The following GALNT11 variants were observed in gnomAD, a reference collection of about 807,000 sequenced individuals.
GALNT11 encodes polypeptide N-acetylgalactosaminyltransferase 11.
GALNT11 carries 47 observed loss-of-function variants against 72.7 expected under a neutral mutation model. That is an observed-to-expected ratio of 0.65 (90% CI 0.51 to 0.82). The LOEUF is 0.82. Among genes scored for constraint, GALNT11 ranks in the 40% least tolerant of loss-of-function variants. The pLI is 0.00. For synonymous variants in GALNT11, 270 were observed against 286.6 expected (o/e 0.94, Z 0.58); for missense variants, 677 against 778.4 (o/e 0.87, Z 1.55).
At chr7:152,038,110 A>G (rs1224524874) in intron 1 of GALNT11, among the ~76,000 whole-genome samples, 2 of 152,096 alleles carry the variant, frequency 1.3e-5, no homozygotes, top group Non-Finnish European at 2.9e-5. Flanking sequence ...TATAGTTTTC[A>G]TTGCAGAGAT....
chr7:152,036,284 C>G (rs531156283), intron 1 of GALNT11, among the ~76,000 whole-genome samples: 2 of 152,092 alleles, frequency 1.3e-5, no homozygotes, highest in Admixed American at 6.6e-5. Flanking sequence ...TCTCTCTCTC[C>G]GTGAGTTCAA....
chr7:152,056,335 C>T (rs1395866477), intron 1 of GALNT11, among the ~76,000 whole-genome samples: 1 of 152,198 alleles, frequency 6.6e-6, no homozygotes, highest in Non-Finnish European at 1.5e-5. Flanking sequence ...TTAATAGGAT[C>T]TCGCCAGGTA....
intron 7 of GALNT11, among the ~76,000 whole-genome samples, chr7:152,112,157 T>G (rs910515359): frequency 6.6e-6 from 1 of 152,218 alleles, no homozygotes; most frequent in African/African-American, 2.4e-5. Context: ...CCTAGTCCAG[T>G]TAGCAGAATC....
intron 1 of GALNT11, among the ~76,000 whole-genome samples, chr7:152,036,617 G>T (rs953188065): frequency 6.6e-6 from 1 of 152,186 alleles, no homozygotes; most frequent in Non-Finnish European, 1.5e-5. Context: ...GAGTGGGATT[G>T]CTGAGTCACG....
chr7:152,110,819 C>T (rs1015101125), intron 7 of GALNT11, among the ~76,000 whole-genome samples, 174 bp downstream of exon 7: 1 of 151,380 alleles, frequency 6.6e-6, no homozygotes, highest in Non-Finnish European at 1.5e-5. Flanking sequence ...CAGCCTTGAC[C>T]TCCTGAGCTC....
chr7:152,098,943 A>G (rs778811939), intron 2 of GALNT11, among the ~76,000 whole-genome samples: 7 of 152,152 alleles, frequency 4.6e-5, no homozygotes, highest in Non-Finnish European at 1.0e-4. Flanking sequence ...TTGGGGAAAC[A>G]CTGCATTCTA....
intron 1 of GALNT11, among the ~76,000 whole-genome samples, chr7:152,065,574 A>T (rs1383111076): frequency 6.6e-6 from 1 of 152,094 alleles, no homozygotes; most frequent in Non-Finnish European, 1.5e-5. Context: ...TTGTGGTTTT[A>T]TCTACCTATG....
At chr7:152,039,175 A>G (rs373367028) in intron 1 of GALNT11, among the ~76,000 whole-genome samples, 42 of 152,374 alleles carry the variant, frequency 2.8e-4, no homozygotes, top group African/African-American at 9.9e-4. Context: ...CAAGCTAAAC[A>G]TCCCCTAGGG....
intron 11 of GALNT11, 103 bp from the exon 12 acceptor site, chr7:152,121,443 A>G (rs2089426884): frequency 4.3e-6 from 6 of 1,399,254 alleles, no homozygotes; most frequent in Admixed American, 2.3e-5. Context: ...AGAGGGGACT[A>G]TTGTATCCCT....
chr7:152,031,976 C>T (rs1249476227), intron 1 of GALNT11, among the ~76,000 whole-genome samples: 3 of 152,314 alleles, frequency 2.0e-5, no homozygotes, highest in Non-Finnish European at 2.9e-5. Context: ...AGGCTGTATT[C>T]GTTCCTTGCC....
At chr7:152,049,935 A>C (rs1333493853) in intron 1 of GALNT11, among the ~76,000 whole-genome samples, 5 of 151,976 alleles carry the variant, frequency 3.3e-5, no homozygotes, top group African/African-American at 1.2e-4. Context: ...GCCAGTGTTC[A>C]TTCAAGGCCC....
At chr7:152,066,784 T>C (rs1259089114) in intron 1 of GALNT11, among the ~76,000 whole-genome samples, 2 of 152,192 alleles carry the variant, frequency 1.3e-5, no homozygotes, top group African/African-American at 4.8e-5. Context: ...ACACATTTAT[T>C]GAGTAAGTTC....
At chr7:152,070,918 G>A (rs1234082997) in intron 1 of GALNT11, among the ~76,000 whole-genome samples, 2 of 152,154 alleles carry the variant, frequency 1.3e-5, no homozygotes, top group Non-Finnish European at 2.9e-5. Context: ...GGTAGGTTCC[G>A]TGATGCCCAA....
At chr7:152,117,646 C>A in intron 9 of GALNT11, 1 of 441,614 alleles carries the variant, frequency 2.3e-6, no homozygotes, top group Non-Finnish European at 4.1e-6. Flanking sequence ...GGGAATACAC[C>A]CCGGACAGAG....
intron 1 of GALNT11, among the ~76,000 whole-genome samples, chr7:152,043,662 G>A (rs749218093): frequency 1.3e-4 from 20 of 152,080 alleles, no homozygotes; most frequent in Non-Finnish European, 2.4e-4. Flanking sequence ...CAGTCAGTGG[G>A]GCAACTACTT....
intron 1 of GALNT11, among the ~76,000 whole-genome samples, chr7:152,037,125 C>A (rs1428062954): frequency 6.6e-6 from 1 of 152,176 alleles, no homozygotes; most frequent in Non-Finnish European, 1.5e-5. Context: ...TGGGGTATTA[C>A]TCCAGAAATC....
At chr7:152,077,318 T>G (rs2085045433) in intron 1 of GALNT11, among the ~76,000 whole-genome samples, 1 of 152,132 alleles carries the variant, frequency 6.6e-6, no homozygotes. Context: ...TGGGAGATGA[T>G]AGAAAACCAG....
chr7:152,060,421 A>G (rs938866700), intron 1 of GALNT11, among the ~76,000 whole-genome samples: 1 of 151,568 alleles, frequency 6.6e-6, no homozygotes, highest in African/African-American at 2.4e-5. Context: ...CCTAGCTTTC[A>G]GCCCATCTTG....
At chr7:152,046,907 T>G (rs1028237926) in intron 1 of GALNT11, among the ~76,000 whole-genome samples, 4 of 152,234 alleles carry the variant, frequency 2.6e-5, no homozygotes, top group Non-Finnish European at 5.9e-5. Context: ...GTGAAGGTGA[T>G]TTTCTCTGGT....
Sources: gnomAD v4.1 joint callset for allele counts (sites outside exome capture counted in the v4.1 genomes callset) on GRCh38, gnomAD v4.1.1 for gene constraint, MANE v1.5 for transcripts, NCBI Gene and HGNC (gene_info 2026-07-23, HGNC 2026-07-21) for gene names.